The following PDE7B variants were observed in gnomAD, a reference collection of about 807,000 sequenced individuals.
PDE7B encodes 3',5'-cyclic-AMP phosphodiesterase 7B.
In PDE7B, 29 loss-of-function variants were observed where a neutral mutation model predicts 56.2. That is an observed-to-expected ratio of 0.52 (90% CI 0.38 to 0.70). The LOEUF is 0.70. Among genes scored for constraint, PDE7B ranks in the 30% least tolerant of loss-of-function variants. PDE7B has a pLI of 0.00. For missense variants in PDE7B, 490 were observed against 565.0 expected, an observed-to-expected ratio of 0.87 and a Z score of 1.35; for synonymous variants, 197 against 196.9, an observed-to-expected ratio of 1.00 and a Z score of 0.00.
chr6:136,038,122 C>G, intron 2 of PDE7B: 1 of 1,315,606 alleles, frequency 7.6e-7, no homozygotes, highest in Admixed American at 2.2e-5. Flanking sequence ...CTTGTCTTTC[C>G]GAAGCTGGAG....
chr6:135,928,473 A>T lies in PDE7B; in HGVS notation c.22-18991A>T, dbSNP rs1022466465. On this transcript the variant is annotated intron_variant, in intron 1 of 12. Coordinates refer to ENST00000308191, the MANE Select transcript of PDE7B (RefSeq NM_018945.4). The stretch of plus-strand genomic sequence containing the variant: ...TTTATTTATATATATATTTATTTAT[A>T]TATATATATTTATTTATATATATAT... 8.9e-3 allele frequency among the ~76,000 whole-genome samples: 1,018 copies of T among 114,244 alleles called. 20 individuals carry two copies. The highest frequency in any genetic ancestry group is 0.03 in the African/African-American group (965 of 32,058). The allele number at this position is 114,244 out of a possible 152,430, so 74.9% of individuals were successfully genotyped here.
chr6:135,994,116 C>CTGTGTGTGTGTGTG (rs3220309), intron 2 of PDE7B, among the ~76,000 whole-genome samples: 13 of 138,726 alleles, frequency 9.4e-5, no homozygotes, highest in South Asian at 2.5e-4. Flanking sequence ...TGTATTGGAT[C>CTGTGTGTGTGTGTG]TGTGTGTGTG....
intron 1 of PDE7B, among the ~76,000 whole-genome samples, chr6:135,917,151 G>T (rs1476056160): frequency 1.3e-5 from 2 of 152,148 alleles, no homozygotes; most frequent in East Asian, 1.9e-4. Flanking sequence ...TTTATAGCAG[G>T]TTGTAAAATC....
chr6:135,890,006 G>A (rs1027206984), intron 1 of PDE7B, among the ~76,000 whole-genome samples: 1 of 151,990 alleles, frequency 6.6e-6, no homozygotes, highest in African/African-American at 2.4e-5. Flanking sequence ...GCCCACCTCA[G>A]CCTCCCAAAG....
At chr6:136,083,372 C>A (rs1188130684) in intron 2 of PDE7B, among the ~76,000 whole-genome samples, 1 of 152,156 alleles carries the variant, frequency 6.6e-6, no homozygotes, top group Non-Finnish European at 1.5e-5. Context: ...AGTACCTGAG[C>A]ATGTGCGCAT....
intron 1 of PDE7B, among the ~76,000 whole-genome samples, chr6:135,924,243 C>T (rs954676839): frequency 6.6e-6 from 1 of 152,142 alleles, no homozygotes; most frequent in African/African-American, 2.4e-5. Flanking sequence ...CACAATGCTC[C>T]TTATGACCTA....
chr6:136,157,525 C>T (rs918766796), intron 8 of PDE7B, among the ~76,000 whole-genome samples: 3 of 152,160 alleles, frequency 2.0e-5, no homozygotes, highest in Admixed American at 6.5e-5. Context: ...TTGAAGTGAG[C>T]CAAGATGGCG....
At position 136,191,620 on chromosome 6, in the gene PDE7B, T is replaced by C. The variant is rs1171648428; in HGVS notation, c.1133T>C (p.Met378Thr). 3.1e-6 allele frequency: 5 copies of C among 1,613,606 alleles called. No individual in the cohort carries two copies. The African/African-American group carries it at 5.3e-5, about 17-fold the overall frequency. Residue 378 changes from methionine (M) to threonine (T), a missense_variant, in exon 13 of 13, where the codon ATG (methionine) becomes ACG (threonine). Physicochemically the swap from Met to Thr is moderately conservative, Grantham distance 81 (BLOSUM62 -1). Coordinates refer to ENST00000308191, the MANE Select transcript of PDE7B (RefSeq NM_018945.4). ...CTTGACTTGCCTGTTCTAGGTTTCA[T>C]GAGCTACATCGTGGAGCCGCTCTTC... ...DSIPSIQIGF[M>T]SYIVEPLFRE... is the part of the protein sequence containing the mutation.
chr6:135,895,893 C>T (rs955418180), intron 1 of PDE7B, among the ~76,000 whole-genome samples: 11 of 152,236 alleles, frequency 7.2e-5, no homozygotes, highest in African/African-American at 2.2e-4. Flanking sequence ...ACCACTGATT[C>T]CATCACACTC....
chr6:135,949,225 G>C (rs1774651737), intron 2 of PDE7B, among the ~76,000 whole-genome samples: 1 of 151,958 alleles, frequency 6.6e-6, no homozygotes, highest in Non-Finnish European at 1.5e-5. Context: ...ATAATTTTAA[G>C]CACATGAATG....
intron 2 of PDE7B, among the ~76,000 whole-genome samples, chr6:135,967,745 A>G (rs1775020556): frequency 6.6e-6 from 1 of 152,176 alleles, no homozygotes; most frequent in South Asian, 2.1e-4. Context: ...TCTCCAAAAT[A>G]CATGCTGAAA....
intron 2 of PDE7B, among the ~76,000 whole-genome samples, chr6:136,088,575 A>C (rs552130583): frequency 2.0e-5 from 3 of 152,276 alleles, no homozygotes; most frequent in African/African-American, 7.2e-5. Context: ...AAAAGACCAT[A>C]TATTGTATTG....
At chr6:136,155,788 A>G (rs780583897) in intron 8 of PDE7B, 30 bp downstream of exon 8, 1 of 1,611,860 alleles carries the variant, frequency 6.2e-7, no homozygotes, top group African/African-American at 1.3e-5. Flanking sequence ...AGCCAGCCAC[A>G]GTATGGTCAA....
intron 1 of PDE7B, among the ~76,000 whole-genome samples, chr6:135,906,806 G>GTTTTTTTTTTTT (rs1383346069): frequency 6.2e-5 from 2 of 32,436 alleles, no homozygotes. Flanking sequence ...TGTTAATGAG[G>GTTTTTTTTTTTT]TTTGTTTTTT....
intron 2 of PDE7B, chr6:136,038,399 G>A: frequency 7.7e-7 from 1 of 1,291,400 alleles, no homozygotes; most frequent in Non-Finnish European, 1.0e-6. Flanking sequence ...GTGCCAGCAG[G>A]GGCCGCTGCC....
At chr6:135,947,801 T>A (rs1456909398) in intron 2 of PDE7B, among the ~76,000 whole-genome samples, 2 of 152,074 alleles carry the variant, frequency 1.3e-5, no homozygotes, top group Non-Finnish European at 2.9e-5. Flanking sequence ...TGGTTTGTAT[T>A]CAGGCAGCTA....
At chr6:135,996,461 A>G (rs1321127762) in intron 2 of PDE7B, among the ~76,000 whole-genome samples, 4 of 152,196 alleles carry the variant, frequency 2.6e-5, no homozygotes, top group Non-Finnish European at 5.9e-5. Flanking sequence ...CCCTACCACT[A>G]AGAAGTAACA....
chr6:136,054,579 C>T lies in PDE7B; in HGVS notation c.83-54152C>T, dbSNP rs562340050. Among the ~76,000 whole-genome samples the T allele has an allele frequency of 4.6e-5, 7 of 152,182 alleles. 1 individual carries two copies. The South Asian group carries it at 1.0e-3, about 23-fold the overall frequency. On this transcript the variant is annotated intron_variant, in intron 2 of 12. Transcript: ENST00000308191. ...ATATGAACTTTAAAGTAGTTTTTTC[C>T]AATTCTGTGAAGAAAGTCATTGGTA...
chr6:136,042,911 A>C (rs958895598), intron 2 of PDE7B, among the ~76,000 whole-genome samples: 1 of 152,250 alleles, frequency 6.6e-6, no homozygotes, highest in Non-Finnish European at 1.5e-5. Context: ...TTGTGGATTT[A>C]TGAATCAGAG....
Sources: gnomAD v4.1 joint callset for allele counts (sites outside exome capture counted in the v4.1 genomes callset) on GRCh38, gnomAD v4.1.1 for gene constraint, MANE v1.5 for transcripts, NCBI Gene and HGNC (gene_info 2026-07-23, HGNC 2026-07-21) for gene names.